The following ABAT variants were observed in gnomAD, a reference collection of about 807,000 sequenced individuals.
ABAT encodes 4-aminobutyrate aminotransferase, also known as 4-aminobutyrate aminotransferase, mitochondrial.
Under a neutral mutation model 64.6 loss-of-function variants are expected in ABAT, and 45 were observed. That is an observed-to-expected ratio of 0.70 (90% CI 0.55 to 0.89). ABAT has a LOEUF of 0.89. ABAT is among the 40% of genes least tolerant of loss of function. ABAT has a pLI of 0.00. For missense variants in ABAT, 633 were observed against 658.4 expected (o/e 0.96, Z 0.42); for synonymous variants, 297 against 250.5 (o/e 1.19, Z -1.75).
chr16:8,777,417 C>T (rs926295810), intron 14 of ABAT, among the ~76,000 whole-genome samples: 3 of 152,192 alleles, frequency 2.0e-5, no homozygotes, highest in Admixed American at 1.3e-4. Context: ...GAGCTCCAGC[C>T]ATCGCATCTC....
At chr16:8,718,083 G>A (rs28679855) in intron 1 of ABAT, among the ~76,000 whole-genome samples, 5 of 152,198 alleles carry the variant, frequency 3.3e-5, no homozygotes, top group Non-Finnish European at 7.3e-5. Flanking sequence ...CACAGGATAA[G>A]CCACAACCCT....
At chr16:8,741,008 G>C (rs189688457) in intron 2 of ABAT, among the ~76,000 whole-genome samples, 3 of 152,168 alleles carry the variant, frequency 2.0e-5, no homozygotes, top group African/African-American at 7.2e-5. Context: ...TATCACTCTC[G>C]GTCTAAAGAT....
At chr16:8,709,298 T>C (rs1485773133) in intron 1 of ABAT, among the ~76,000 whole-genome samples, 1 of 152,142 alleles carries the variant, frequency 6.6e-6, no homozygotes, top group Non-Finnish European at 1.5e-5. Flanking sequence ...CTGTTTCTTT[T>C]CTTTTTTGAT....
At chr16:8,742,735 G>A (rs140562178) in intron 2 of ABAT, among the ~76,000 whole-genome samples, 28 of 151,866 alleles carry the variant, frequency 1.8e-4, no homozygotes, top group African/African-American at 6.3e-4. Context: ...GCATGGTGAC[G>A]CATGCCTGTG....
chr16:8,717,867 C>T (rs1269453402), intron 1 of ABAT, among the ~76,000 whole-genome samples: 3 of 151,848 alleles, frequency 2.0e-5, no homozygotes, highest in Non-Finnish European at 4.4e-5. Context: ...GTCACCCAGG[C>T]TGATCTCAAT....
intron 1 of ABAT, among the ~76,000 whole-genome samples, chr16:8,732,959 G>T (rs1416771962): frequency 2.0e-5 from 3 of 149,402 alleles, no homozygotes; most frequent in Non-Finnish European, 4.4e-5. Context: ...CGGACGGGGC[G>T]GCTGGCCGGG....
Position 8,764,492 on chromosome 16 carries a change from G to A in ABAT, c.448-246G>A, listed in dbSNP as rs938009720. Among the ~76,000 whole-genome samples the A allele has an allele frequency of 2.6e-5, 4 of 152,300 alleles. No individual in the cohort carries two copies. The East Asian group carries it at 7.7e-4, about 29-fold the overall frequency. On this transcript the variant is annotated intron_variant, in intron 7 of 15. Transcript: ENST00000268251. The surrounding 1 kb of genome is among the most constrained non-coding windows in gnomAD (Gnocchi z 4.2). ...GGAACGTGTAGGTGTCTTAGACAGT[G>A]GCAGGTGCATCAGGAGTGGGCTTTT...
chr16:8,763,828 A>AT (rs2059864578), intron 6 of ABAT, among the ~76,000 whole-genome samples: 1 of 152,244 alleles, frequency 6.6e-6, no homozygotes, highest in Admixed American at 6.5e-5. Flanking sequence ...AGCATCCTAT[A>AT]TAACGCCAAT....
At chr16:8,756,312 A>G (rs1264802024) in intron 5 of ABAT, among the ~76,000 whole-genome samples, 1 of 152,236 alleles carries the variant, frequency 6.6e-6, no homozygotes, top group Non-Finnish European at 1.5e-5. Context: ...AAAAAGCCCT[A>G]GAAGATTACA....
rs111801487 is a variant in ABAT, at chr16:8,696,073, G to C, written c.-42+21362G>C. 2.2e-4 allele frequency among the ~76,000 whole-genome samples: 34 copies of C among 152,296 alleles called. 1 individual carries two copies. The highest frequency in any genetic ancestry group is 7.2e-4 in the African/African-American group (30 of 41,568). On this transcript the variant is annotated intron_variant, in intron 1 of 15. Transcript: ENST00000268251. Reference sequence around the variant, plus strand: ...AGTTATTGAGCCAAAATCCGCCTTCGATTTTGTAACTTATTGAAGATTGCA... The same window carrying C: ...AGTTATTGAGCCAAAATCCGCCTTCCATTTTGTAACTTATTGAAGATTGCA...
At chr16:8,707,992 A>T (rs183233421) in intron 1 of ABAT, among the ~76,000 whole-genome samples, 2 of 152,310 alleles carry the variant, frequency 1.3e-5, no homozygotes, top group Non-Finnish European at 2.9e-5. Flanking sequence ...TCATGATTAA[A>T]ATCAGTGGTC....
intron 1 of ABAT, among the ~76,000 whole-genome samples, chr16:8,727,374 A>G: frequency 6.6e-6 from 1 of 152,236 alleles, no homozygotes; most frequent in Non-Finnish European, 1.5e-5. Flanking sequence ...CAGGATCCTT[A>G]GCTACTCCGT....
chr16:8,723,018 A>C (rs189753791), intron 1 of ABAT, among the ~76,000 whole-genome samples: 1 of 152,212 alleles, frequency 6.6e-6, no homozygotes, highest in East Asian at 1.9e-4. Context: ...GGATCACTTG[A>C]GGTCAGGAGT....
intron 1 of ABAT, among the ~76,000 whole-genome samples, chr16:8,735,059 C>T (rs1267159566): frequency 7.8e-6 from 1 of 128,866 alleles, no homozygotes. Context: ...AAAAAAAAAT[C>T]ACTGGGCATG....
intron 6 of ABAT, among the ~76,000 whole-genome samples, chr16:8,761,939 A>G (rs540993019): frequency 6.6e-6 from 1 of 152,156 alleles, no homozygotes; most frequent in African/African-American, 2.4e-5. Context: ...CTGGATTCCA[A>G]TTATGATTTC....
chr16:8,769,004 A>T lies in ABAT; in HGVS notation c.816+31A>T, dbSNP rs376141017. ...GCTCATACCCTGCGGATCCTCCCCA[A>T]CCACCAGTCCTGTTGCTCTTGCCGC... On this transcript the variant is annotated intron_variant, in intron 11 of 15. Transcript: ENST00000268251. The T allele has an allele frequency of 1.9e-6, 3 of 1,613,644 alleles. No individual in the cohort carries two copies. In the South Asian group the frequency reaches 3.3e-5, roughly 18 times the overall value.
At chr16:8,734,751 C>T (rs536646448) in intron 1 of ABAT, among the ~76,000 whole-genome samples, 3 of 152,196 alleles carry the variant, frequency 2.0e-5, no homozygotes, top group East Asian at 1.9e-4. Flanking sequence ...AAAAAATACA[C>T]ATACCAATTA....
Position 8,741,679 on chromosome 16 carries a change from T to G in ABAT, c.71-4322T>G, listed in dbSNP as rs1221231206. Among the ~76,000 whole-genome samples, 4 of 152,332 alleles carry G rather than the reference T, an allele frequency of 2.6e-5. No homozygotes were observed. The South Asian group carries it at 8.3e-4, about 32-fold the overall frequency. On this transcript the variant is annotated intron_variant, in intron 2 of 15. Transcript: ENST00000268251. ...TGTTCTGTTCTCTTGTGGTGTATTG[T>G]TATATGTCATCATTAAGAGAATATT...
chr16:8,716,773 G>A lies in ABAT; in HGVS notation c.-41-18926G>A, dbSNP rs188335791. 1.1e-4 allele frequency among the ~76,000 whole-genome samples: 17 copies of A among 152,294 alleles called. No homozygotes were observed. The East Asian group carries it at 3.1e-3, about 28-fold the overall frequency. On this transcript the variant is annotated intron_variant, in intron 1 of 15. Coordinates refer to ENST00000268251, the MANE Select transcript of ABAT (RefSeq NM_020686.6). ...CAGCAGACAGGCCCAGGCAGGCCGT[G>A]GCATTTCAGCAGGTCAGATTGTATG...
Sources: gnomAD v4.1 joint callset for allele counts (sites outside exome capture counted in the v4.1 genomes callset) on GRCh38, gnomAD v4.1.1 for gene constraint, Gnocchi (gnomAD v3.1) non-coding constraint, MANE v1.5 for transcripts, NCBI Gene and HGNC (gene_info 2026-07-23, HGNC 2026-07-21) for gene names.